Variants in ARID3A observed in about 807,000 individuals in gnomAD.
ARID3A encodes the protein AT-rich interactive domain-containing protein 3A.
In ARID3A, 11 loss-of-function variants were observed where a neutral mutation model predicts 52.7. That is an observed-to-expected ratio of 0.21 (90% CI 0.13 to 0.35). ARID3A has a LOEUF of 0.35. Among genes scored for constraint, ARID3A ranks in the 10% least tolerant of loss-of-function variants. ARID3A has a pLI of 1.00. For missense variants in ARID3A, 721 were observed against 838.5 expected (o/e 0.86, Z 1.73); for synonymous variants, 404 against 359.4 (o/e 1.12, Z -1.40).
In ARID3A at chr19:941,160, C is replaced by T. The variant is rs114481623; in HGVS notation, c.693+8418C>T. ...CTTTCTAATAACACACGCGGCAGCC[C>T]GAGGGAGCGGTGCCCGCAGGCAGAG... is the stretch of plus-strand genomic sequence containing the variant. On this transcript the variant is annotated intron_variant, in intron 3 of 8. Transcript: ENST00000263620. The surrounding 1 kb of genome is among the most constrained non-coding windows in gnomAD (Gnocchi z 6.9). Among the ~76,000 whole-genome samples the T allele has an allele frequency of 0.016, 2,480 of 152,282 alleles. 54 individuals are homozygous for T. Among genetic ancestry groups the T allele is most frequent in the African/African-American group, 0.055 (2,287 of 41,554 alleles).
rs2037589490 is a variant in ARID3A at position 942,999 on chromosome 19, GA to G, written c.693+10258del. ...TGCCGGTCGGTTGTCCTCTAAGGGG[GA>G]GGTCACACCTGTGATCCCCGCGCTT... On this transcript the variant is annotated intron_variant, in intron 3 of 8. Coordinates refer to ENST00000263620, the MANE Select transcript of ARID3A (RefSeq NM_005224.3). This position sits in a 1 kb window ranked among gnomAD's most constrained non-coding sequence, Gnocchi z 8.1. 6.6e-6 allele frequency among the ~76,000 whole-genome samples: 1 copy of G among 152,194 alleles called. No individual in the cohort carries two copies. The highest frequency in any genetic ancestry group is 6.6e-5 in the Admixed American group (1 of 15,266).
At chr19:952,259 A>ACATAGCAAGACCCCATCT (rs891643849) in intron 3 of ARID3A, among the ~76,000 whole-genome samples, 1 of 151,872 alleles carries the variant, frequency 6.6e-6, no homozygotes, top group Non-Finnish European at 1.5e-5. Context: ...AGCCTGGGCA[A>ACATAGCAAGACCCCATCT]CATAGCAAGA....
In ARID3A at chr19:932,508, G is replaced by A; in HGVS notation, c.459G>A (p.Glu153=). The A allele has an allele frequency of 1.3e-6, 2 of 1,544,746 alleles. No individual in the cohort carries two copies. Among genetic ancestry groups the A allele is most frequent in the South Asian group, 2.4e-5 (2 of 83,922 alleles). ...EEEDYEDEEE[E]EDEEGLGPPG... ...AGGATTACGAGGATGAGGAGGAGGA[G>A]GAGGACGAGGAGGGGCTGGGCCCCC... Residue 153 remains glutamate, a synonymous_variant, in exon 3 of 9, where the codon GAG becomes GAA. Coordinates refer to ENST00000263620, the MANE Select transcript of ARID3A (RefSeq NM_005224.3).
intron 2 of ARID3A, among the ~76,000 whole-genome samples, chr19:931,167 A>G (rs2037319249): frequency 6.6e-6 from 1 of 152,044 alleles, no homozygotes; most frequent in Non-Finnish European, 1.5e-5. Context: ...TGTGGCATGC[A>G]TCTGTGGTCC....
At position 972,190 on chromosome 19, in the gene ARID3A, G is replaced by A. The variant is rs540168766; in HGVS notation, c.*125G>A. On this transcript the variant is annotated 3_prime_UTR_variant, in exon 9 of 9. Transcript: ENST00000263620. ...GGGGAGGGAAGATATCCAGAAAGGA[G>A]CCACAGCTGACGCCAAAAAGAAAAG... 1.1e-3 allele frequency: 790 copies of A among 691,346 alleles called. 10 individuals carry two copies. Among genetic ancestry groups the A allele is most frequent in the Non-Finnish European group, 5.2e-5 (23 of 446,404 alleles). 42.8% of individuals were successfully genotyped at this position (691,346 alleles called of 1,614,324 possible). A position where few individuals can be genotyped will look rare whatever the true frequency, so the allele number is the denominator to read the frequency against.
At position 964,797 on chromosome 19, in the gene ARID3A, C is replaced by A; in HGVS notation, c.951-36C>A. ...AGGCCAAAGAGAGCCGTAGGGGTGA[C>A]CCGGGTGCCATCCTCTTCCCTCGTC... On this transcript the variant is annotated intron_variant, in intron 5 of 8. Coordinates refer to ENST00000263620, the MANE Select transcript of ARID3A (RefSeq NM_005224.3). The surrounding 1 kb of genome is among the most constrained non-coding windows in gnomAD (Gnocchi z 5.7). 1 of 1,599,750 alleles carries A rather than the reference C, an allele frequency of 6.3e-7. No individual in the cohort carries two copies. Among genetic ancestry groups the A allele is most frequent in the Non-Finnish European group, 8.5e-7 (1 of 1,170,062 alleles).
At chr19:933,003 G>A (rs1316708416) in intron 3 of ARID3A, among the ~76,000 whole-genome samples, 2 of 152,230 alleles carry the variant, frequency 1.3e-5, no homozygotes, top group Non-Finnish European at 2.9e-5. Context: ...CCCCATATCG[G>A]AGGTGATGGG....
chr19:960,628 C>A lies in ARID3A; in HGVS notation c.766+464C>A, dbSNP rs551220060. 6.6e-6 allele frequency among the ~76,000 whole-genome samples: 1 copy of A among 152,032 alleles called. No individual in the cohort carries two copies. Among genetic ancestry groups the A allele is most frequent in the African/African-American group, 2.4e-5 (1 of 41,396 alleles). Reference sequence around the variant, plus strand: ...GGCTTAGAGTCTAATGATCTCATGGCGGCCAATGCGACATTTGAGTCCTGG... The same window carrying A: ...GGCTTAGAGTCTAATGATCTCATGGAGGCCAATGCGACATTTGAGTCCTGG... On this transcript the variant is annotated intron_variant, in intron 4 of 8. Coordinates refer to ENST00000263620, the MANE Select transcript of ARID3A (RefSeq NM_005224.3). The surrounding 1 kb of genome is among the most constrained non-coding windows in gnomAD (Gnocchi z 4.3).
chr19:962,115 C>G (rs1453663085), intron 4 of ARID3A, among the ~76,000 whole-genome samples: 3 of 152,308 alleles, frequency 2.0e-5, no homozygotes, highest in East Asian at 3.9e-4. Context: ...TTGGCTTCCT[C>G]CAGGAGCTTC....
chr19:931,541 G>A (rs1285115794), intron 2 of ARID3A, among the ~76,000 whole-genome samples: 1 of 151,418 alleles, frequency 6.6e-6, no homozygotes, highest in South Asian at 2.1e-4. Flanking sequence ...GGCTGGGCGT[G>A]GTGGCTCACG....
intron 8 of ARID3A, among the ~76,000 whole-genome samples, chr19:970,288 G>A (rs193094462): frequency 2.5e-4 from 38 of 151,944 alleles, no homozygotes; most frequent in African/African-American, 9.2e-4. Context: ...ACTCCAGCCT[G>A]TGCAATGGAG....
chr19:931,812 C>CAA (rs1424619055), intron 2 of ARID3A, among the ~76,000 whole-genome samples: 1 of 121,490 alleles, frequency 8.2e-6, no homozygotes, highest in Non-Finnish European at 1.7e-5. Flanking sequence ...GACTCCCTCT[C>CAA]AAAAAAAAGA....
chr19:952,578 A>G (rs1471599403), intron 3 of ARID3A, among the ~76,000 whole-genome samples: 2 of 151,920 alleles, frequency 1.3e-5, no homozygotes, highest in African/African-American at 2.4e-5. Context: ...GCAGTCCCCA[A>G]ACGCTAGACA....
At chr19:937,224 A>T (rs1245590050) in intron 3 of ARID3A, among the ~76,000 whole-genome samples, 4 of 152,224 alleles carry the variant, frequency 2.6e-5, no homozygotes, top group African/African-American at 9.6e-5. Context: ...AGATCGCGCC[A>T]CTGCACTCCA....
At chr19:946,217 A>G in intron 3 of ARID3A, among the ~76,000 whole-genome samples, 1 of 151,376 alleles carries the variant, frequency 6.6e-6, no homozygotes, top group South Asian at 2.1e-4. Context: ...TTTCATTTTT[A>G]TTTTTTTGTT....
At chr19:967,420 G>C (rs1015421486) in intron 7 of ARID3A, among the ~76,000 whole-genome samples, 1 of 151,982 alleles carries the variant, frequency 6.6e-6, no homozygotes, top group Non-Finnish European at 1.5e-5. Flanking sequence ...TTAGCTGGGC[G>C]TGGTGACACG....
At position 972,537 on chromosome 19, in the gene ARID3A, C is replaced by T. The variant is rs72986017; in HGVS notation, c.*472C>T. ...CTTTAGTTCTCTTTTATTTTCTATT[C>T]ACCACACACTCACCACTCCCAGCTT... On this transcript the variant is annotated 3_prime_UTR_variant, in exon 9 of 9. Coordinates refer to ENST00000263620, the MANE Select transcript of ARID3A (RefSeq NM_005224.3). The T allele has an allele frequency of 2.3e-5, 5 of 217,706 alleles. No homozygotes were observed. Among genetic ancestry groups the T allele is most frequent in the Non-Finnish European group, 4.6e-5 (5 of 108,140 alleles). 13.5% of individuals were successfully genotyped at this position (217,706 alleles called of 1,614,324 possible).
rs552277698 is a variant in ARID3A, at chr19:972,105, C to T, written c.*40C>T. The T allele has an allele frequency of 6.4e-4, 948 of 1,489,380 alleles. 1 individual carries two copies. The highest frequency in any genetic ancestry group is 7.7e-4 in the Non-Finnish European group (869 of 1,124,112). 92.3% of individuals were successfully genotyped at this position (1,489,380 alleles called of 1,614,324 possible). A position where few individuals can be genotyped will look rare whatever the true frequency, so the allele number is the denominator to read the frequency against. On this transcript the variant is annotated 3_prime_UTR_variant, in exon 9 of 9. Coordinates refer to ENST00000263620, the MANE Select transcript of ARID3A (RefSeq NM_005224.3). ...ACCCGCCACCCACCCTGGAGCCCGC[C>T]GGCCTGGGCAGGGGGTCCAGGTGGG...
chr19:969,751 G>A (rs1425673565), intron 8 of ARID3A, among the ~76,000 whole-genome samples: 3 of 149,090 alleles, frequency 2.0e-5, no homozygotes, highest in Non-Finnish European at 3.0e-5. Flanking sequence ...GCAGTGGCAC[G>A]ATCTTGACTC....
Sources: gnomAD v4.1 joint callset for allele counts (sites outside exome capture counted in the v4.1 genomes callset) on GRCh38, gnomAD v4.1.1 for gene constraint, Gnocchi (gnomAD v3.1) non-coding constraint, MANE v1.5 for transcripts, NCBI Gene and HGNC (gene_info 2026-07-23, HGNC 2026-07-21) for gene names.